Variants in SCHIP1 observed in about 807,000 individuals in gnomAD.
SCHIP1 encodes schwannomin interacting protein 1.
In SCHIP1, 8 loss-of-function variants were observed where a neutral mutation model predicts 29.7. The ratio of observed to expected loss-of-function variants is 0.27; its 90% CI spans 0.16 to 0.49. SCHIP1 has a LOEUF of 0.49. SCHIP1 is among the 20% of genes least tolerant of loss of function. The probability of loss-of-function intolerance (pLI) is 0.99; values close to 1 mark genes in which losing one functional copy is unlikely to be tolerated. For synonymous variants in SCHIP1, 76 were observed against 94.9 expected, an observed-to-expected ratio of 0.80 and a Z score of 1.16; for missense variants, 193 against 294.6, an observed-to-expected ratio of 0.66 and a Z score of 2.52.
the SCHIP1 span, among the ~76,000 whole-genome samples, chr3:159,696,053 C>G: frequency 6.6e-6 from 1 of 152,132 alleles, no homozygotes; most frequent in African/African-American, 2.4e-5. Flanking sequence ...CCACTGGTAC[C>G]CATCAAATTC....
At chr3:159,496,355 T>C in the SCHIP1 span, among the ~76,000 whole-genome samples, 1 of 152,144 alleles carries the variant, frequency 6.6e-6, no homozygotes, top group Non-Finnish European at 1.5e-5. Flanking sequence ...AACCTACTCA[T>C]CTGACAAAGG....
the SCHIP1 span, among the ~76,000 whole-genome samples, chr3:159,423,804 AC>A: frequency 7.9e-5 from 12 of 151,862 alleles, no homozygotes; most frequent in Non-Finnish European, 1.3e-4. Context: ...ACTGGGAGGC[AC>A]CCCCCAGTAG....
chr3:159,720,077 A>G, the SCHIP1 span, among the ~76,000 whole-genome samples: 1 of 152,188 alleles, frequency 6.6e-6, no homozygotes, highest in African/African-American at 2.4e-5. Flanking sequence ...TGTCCTTTGT[A>G]GGGACATTGA....
chr3:159,593,517 C>T, the SCHIP1 span, among the ~76,000 whole-genome samples: 1 of 152,176 alleles, frequency 6.6e-6, no homozygotes, highest in African/African-American at 2.4e-5. Context: ...AGTAGCCCAA[C>T]CTCTCTGCGC....
chr3:159,424,211 G>A, the SCHIP1 span, among the ~76,000 whole-genome samples: 1 of 152,142 alleles, frequency 6.6e-6, no homozygotes, highest in Non-Finnish European at 1.5e-5. Flanking sequence ...TTGACGAGTT[G>A]AGAGAAGAAG....
At chr3:159,361,245 A>C in the SCHIP1 span, among the ~76,000 whole-genome samples, 2 of 152,266 alleles carry the variant, frequency 1.3e-5, no homozygotes, top group Non-Finnish European at 2.9e-5. Flanking sequence ...ATGGTTGCTA[A>C]ATAATTGGCA....
the SCHIP1 span, among the ~76,000 whole-genome samples, chr3:159,331,899 C>T: frequency 6.6e-6 from 1 of 152,098 alleles, no homozygotes; most frequent in African/African-American, 2.4e-5. Flanking sequence ...GGTTTTATAT[C>T]ATCCCGTATC....
At chr3:159,401,268 G>A in the SCHIP1 span, 1 of 884,654 alleles carries the variant, frequency 1.1e-6, no homozygotes, top group Non-Finnish European at 1.4e-6. Flanking sequence ...TCTAGTAAAT[G>A]CTGAGCTTGC....
At chr3:159,641,657 A>C in the SCHIP1 span, among the ~76,000 whole-genome samples, 1 of 152,272 alleles carries the variant, frequency 6.6e-6, no homozygotes, top group Admixed American at 6.5e-5. Flanking sequence ...AATGTCTGAT[A>C]TTTGCTTTGG....
At chr3:159,621,811 G>A in the SCHIP1 span, among the ~76,000 whole-genome samples, 1 of 152,010 alleles carries the variant, frequency 6.6e-6, no homozygotes, top group Non-Finnish European at 1.5e-5. Context: ...GATTACAGGT[G>A]CCCATCATCA....
the SCHIP1 span, among the ~76,000 whole-genome samples, chr3:159,477,276 C>G: frequency 6.6e-6 from 1 of 152,066 alleles, no homozygotes; most frequent in South Asian, 2.1e-4. Flanking sequence ...CTTTGACTTA[C>G]TGATTTCAAT....
chr3:159,842,917 G>T (rs899357916), intron 1 of SCHIP1, among the ~76,000 whole-genome samples: 19 of 150,050 alleles, frequency 1.3e-4, no homozygotes, highest in Non-Finnish European at 2.5e-4. Context: ...GCGAGTCTTT[G>T]CTCAGATGTC....
the SCHIP1 span, among the ~76,000 whole-genome samples, chr3:159,678,360 A>G: frequency 2.6e-5 from 4 of 152,226 alleles, no homozygotes; most frequent in East Asian, 1.9e-4. Flanking sequence ...CCTTCTTACT[A>G]TTTCAAGTAC....
chr3:159,590,680 G>T, the SCHIP1 span, among the ~76,000 whole-genome samples: 1 of 152,100 alleles, frequency 6.6e-6, no homozygotes, highest in Non-Finnish European at 1.5e-5. Flanking sequence ...CTTTTCAGCT[G>T]CATATCTCAA....
chr3:159,788,923 T>C, the SCHIP1 span, among the ~76,000 whole-genome samples: 7 of 152,152 alleles, frequency 4.6e-5, no homozygotes, highest in Non-Finnish European at 1.0e-4. Context: ...TCTAAACTTT[T>C]TGAGGGCTGA....
At chr3:159,274,190 A>G in the SCHIP1 span, 10 of 985,080 alleles carry the variant, frequency 1.0e-5, no homozygotes, top group Non-Finnish European at 1.2e-5. Context: ...GCATTTTAAT[A>G]TACACATGTA....
At chr3:159,474,372 T>G in the SCHIP1 span, among the ~76,000 whole-genome samples, 1 of 152,264 alleles carries the variant, frequency 6.6e-6, no homozygotes, top group East Asian at 1.9e-4. Flanking sequence ...TTCCTGTTGG[T>G]CTTTGTTCTG....
At chr3:159,498,501 C>A in the SCHIP1 span, among the ~76,000 whole-genome samples, 1 of 152,114 alleles carries the variant, frequency 6.6e-6, no homozygotes, top group African/African-American at 2.4e-5. Flanking sequence ...TTCTCCTTGA[C>A]GTAAGCAATT....
chr3:159,480,434 T>C, the SCHIP1 span, among the ~76,000 whole-genome samples: 1 of 152,164 alleles, frequency 6.6e-6, no homozygotes, highest in African/African-American at 2.4e-5. Context: ...TCACTCTGTT[T>C]CTAGGTTGAT....
Sources: gnomAD v4.1 joint callset for allele counts (sites outside exome capture counted in the v4.1 genomes callset) on GRCh38, gnomAD v4.1.1 for gene constraint, MANE v1.5 for transcripts, NCBI Gene and HGNC (gene_info 2026-07-23, HGNC 2026-07-21) for gene names.